The following ADAMTS7 variants were observed in gnomAD, a reference collection of about 807,000 sequenced individuals.
The protein encoded by ADAMTS7 is A disintegrin and metalloproteinase with thrombospondin motifs 7.
ADAMTS7 carries 89 observed loss-of-function variants against 172.6 expected under a neutral mutation model. The ratio of observed to expected loss-of-function variants is 0.52; its 90% CI spans 0.43 to 0.61. The LOEUF (loss-of-function observed/expected upper bound fraction) is 0.61. Ranked by LOEUF, ADAMTS7 falls within the 20% of genes least tolerant of loss-of-function variation. ADAMTS7 has a pLI of 0.00. For synonymous variants in ADAMTS7, 885 were observed against 978.4 expected, an observed-to-expected ratio of 0.90 and a Z score of 1.78; for missense variants, 1,973 against 2,355.6, an observed-to-expected ratio of 0.84 and a Z score of 3.36.
chr15:78,768,213 G>A lies in ADAMTS7; in HGVS notation c.2565C>T (p.Pro855=), dbSNP rs565309663. The change falls in exon 17 of 24, where the codon CCC becomes CCT. Residue 855 remains proline, a synonymous_variant. Coordinates refer to ENST00000388820, the MANE Select transcript of ADAMTS7 (RefSeq NM_014272.5). ...NVYCLERQAG[P]VDEEHCDPLG... ...GGGGGTCACAGTGCTCCTCGTCCAC[G>A]GGCCCTGCCTGCCGCTCCAAGCAGT... is the stretch of plus-strand genomic sequence containing the variant. 6.8e-6 allele frequency: 11 copies of A among 1,610,480 alleles called. No individual in the cohort carries two copies. Among genetic ancestry groups the A allele is most frequent in the East Asian group, 2.2e-5 (1 of 44,862 alleles).
chr15:78,802,613 C>T (rs1241450865), intron 1 of ADAMTS7, among the ~76,000 whole-genome samples: 2 of 152,226 alleles, frequency 1.3e-5, no homozygotes, highest in East Asian at 3.8e-4. Flanking sequence ...GCTCTGTCCT[C>T]CTGGATTTCC....
At chr15:78,774,086 G>C (rs2055297286) in intron 13 of ADAMTS7, 81 bp downstream of exon 13, 4 of 1,554,918 alleles carry the variant, frequency 2.6e-6, no homozygotes, top group South Asian at 2.3e-5. Context: ...GGATCAGGAG[G>C]GACCCAGGAG....
intron 8 of ADAMTS7, among the ~76,000 whole-genome samples, chr15:78,785,153 T>C (rs1435878390): frequency 6.6e-6 from 1 of 152,016 alleles, no homozygotes; most frequent in African/African-American, 2.4e-5. Context: ...GGGATTACCT[T>C]TGGGAAAACT....
chr15:78,768,409 C>A, intron 16 of ADAMTS7, 150 bp from the exon 17 acceptor site: 1 of 1,207,192 alleles, frequency 8.3e-7, no homozygotes, highest in Non-Finnish European at 1.2e-6. Flanking sequence ...GAAGGCAGAC[C>A]TCCACCGTCG....
Position 78,766,209 on chromosome 15 carries a change from C to T in ADAMTS7, c.3702G>A (p.Pro1234=), listed in dbSNP as rs540501138. Residue 1234 remains proline, a synonymous_variant, in exon 19 of 24, where the codon CCG becomes CCA. Coordinates refer to ENST00000388820, the MANE Select transcript of ADAMTS7 (RefSeq NM_014272.5). ...AAGGGGGCAGCGTGGAGCTGGGTCT[C>T]GGGGGCAGGTGGGGTGCTCCTCGGC... The part of the protein sequence containing the change: ...PKGRGAPHLP[P]RPSSTLPPLS... The T allele has an allele frequency of 5.3e-5, 86 of 1,611,804 alleles. 1 individual carries two copies. The highest frequency in any genetic ancestry group is 5.1e-4 in the South Asian group (46 of 91,018).
rs925402092 is a variant in ADAMTS7 at position 78,811,225 on chromosome 15, G to A, written c.-5C>T. 30 of 1,226,996 alleles carry A rather than the reference G, an allele frequency of 2.4e-5. No homozygotes were observed. In the African/African-American group the frequency reaches 3.0e-4, roughly 12 times the overall value. The allele number at this position is 1,226,996 out of a possible 1,614,324, so 76.0% of individuals were successfully genotyped here. A position where few individuals can be genotyped will look rare whatever the true frequency, so the allele number is the denominator to read the frequency against. On this transcript the variant is annotated 5_prime_UTR_variant, in exon 1 of 24. Transcript: ENST00000388820. ...GGGACTGGGGCCGCCGGGCATGGCA[G>A]GAACCGGGCGGCCGCCGGGTGACCC...
At chr15:78,759,963 C>T (rs1159240887) in intron 23 of ADAMTS7, among the ~76,000 whole-genome samples, 1 of 152,188 alleles carries the variant, frequency 6.6e-6, no homozygotes, top group Non-Finnish European at 1.5e-5. Flanking sequence ...CCCGGGGCCT[C>T]CTGCCAGCCT....
chr15:78,780,932 C>G (rs1447164203), intron 8 of ADAMTS7, among the ~76,000 whole-genome samples: 2 of 152,148 alleles, frequency 1.3e-5, no homozygotes, highest in Non-Finnish European at 2.9e-5. Context: ...CTGTCCATCT[C>G]CCCATGGTGT....
Position 78,811,442 on chromosome 15 carries a change from TAGAAGGAG to T in ADAMTS7, c.-230_-223del. On this transcript the variant is annotated 5_prime_UTR_variant, in exon 1 of 24. Transcript: ENST00000388820. ...AGAGGCAAAGAAAAGACAAGAGAGC[TAGAAGGAG>T]AGAAAGAAAGAAAGAAAGAAAGGGA... The T allele has an allele frequency of 2.7e-6, 1 of 370,906 alleles. No individual in the cohort carries two copies. Among genetic ancestry groups the T allele is most frequent in the East Asian group, 4.2e-5 (1 of 23,824 alleles). 23.0% of individuals were successfully genotyped at this position (370,906 alleles called of 1,614,324 possible).
chr15:78,766,918 A>C lies in ADAMTS7; in HGVS notation c.2993T>G (p.Leu998Arg). 1 of 1,610,412 alleles carries C rather than the reference A, an allele frequency of 6.2e-7. No individual in the cohort carries two copies. Among genetic ancestry groups the C allele is most frequent in the Non-Finnish European group, 8.5e-7 (1 of 1,179,466 alleles). ...TCSLPLCRWP[L>R]GTLGPEGSGS... The stretch of plus-strand genomic sequence containing the variant: ...TGAGCCTTCAGGGCCCAGTGTGCCC[A>C]GGGGCCACCGACAGAGTGGCAGAGA... Residue 998 changes from leucine (L) to arginine (R), a missense_variant, in exon 19 of 24, where the codon CTG (leucine) becomes CGG (arginine). Around this residue, in one of 8 missense-constraint regions of ADAMTS7, gnomAD observed 771 missense variants for 952.6 expected, o/e 0.81. Coordinates refer to ENST00000388820, the MANE Select transcript of ADAMTS7 (RefSeq NM_014272.5).
In ADAMTS7 at chr15:78,763,739, G is replaced by A; in HGVS notation, c.4700C>T (p.Thr1567Ile). The A allele has an allele frequency of 8.2e-6, 13 of 1,594,556 alleles. No individual in the cohort carries two copies. Among genetic ancestry groups the A allele is most frequent in the Non-Finnish European group, 1.0e-5 (12 of 1,172,862 alleles). The change falls in exon 22 of 24, where the codon ACC becomes ATC. Residue 1567 changes from threonine (T) to isoleucine (I), a missense_variant. Coordinates refer to ENST00000388820, the MANE Select transcript of ADAMTS7 (RefSeq NM_014272.5). ...LRPNTTRPCN[T>I]HPCTQWVVGP... The stretch of plus-strand genomic sequence containing the variant: ...CACCACCCACTGCGTGCAGGGGTGG[G>A]TGTTGCAGGGCCGGGTGGTGTTGGG...
In ADAMTS7 at chr15:78,771,581, G is replaced by A; in HGVS notation, c.2376+4C>T. On this transcript the variant is annotated splice_donor_region_variant and intron_variant, in intron 15 of 23. Transcript: ENST00000388820. This position sits in a 1 kb window ranked among gnomAD's most constrained non-coding sequence, Gnocchi z 4.9. ...CCCCCGCCTGGGCCACGGGAGGCAGGCACCTGGATCCAGACAGGCTCCTTG... is the reference window on the plus strand; with the variant it reads ...CCCCCGCCTGGGCCACGGGAGGCAGACACCTGGATCCAGACAGGCTCCTTG... 6.3e-7 allele frequency: 1 copy of A among 1,594,350 alleles called. No individual in the cohort carries two copies. Among genetic ancestry groups the A allele is most frequent in the South Asian group, 1.1e-5 (1 of 89,690 alleles).
At chr15:78,806,997 C>A (rs1376078106) in intron 1 of ADAMTS7, among the ~76,000 whole-genome samples, 1 of 152,158 alleles carries the variant, frequency 6.6e-6, no homozygotes, top group Non-Finnish European at 1.5e-5. Flanking sequence ...GAACTCCTGA[C>A]CTCAGGTGAT....
In ADAMTS7 at chr15:78,759,383, ACT is replaced by A. The variant is rs1330505838; in HGVS notation, c.*36_*37del. On this transcript the variant is annotated 3_prime_UTR_variant, in exon 24 of 24. Transcript: ENST00000388820. Reference sequence around the variant, plus strand: ...AGCTCCGCCACAGCCCGTGGTGGGCACTGAGGTCTGTCGGTCGGTCTGTGCAT... The same window carrying A: ...AGCTCCGCCACAGCCCGTGGTGGGCAGAGGTCTGTCGGTCGGTCTGTGCAT... The A allele has an allele frequency of 3.2e-6, 5 of 1,553,630 alleles. No individual in the cohort carries two copies. Among genetic ancestry groups the A allele is most frequent in the Non-Finnish European group, 4.3e-6 (5 of 1,153,818 alleles).
At chr15:78,783,557 C>G (rs1185037576) in intron 8 of ADAMTS7, among the ~76,000 whole-genome samples, 1 of 152,008 alleles carries the variant, frequency 6.6e-6, no homozygotes, top group Non-Finnish European at 1.5e-5. Flanking sequence ...GGATTACAGG[C>G]GTGAGCCACC....
intron 22 of ADAMTS7, among the ~76,000 whole-genome samples, chr15:78,762,835 C>G (rs1031020380): frequency 6.6e-6 from 1 of 152,222 alleles, no homozygotes; most frequent in Non-Finnish European, 1.5e-5. Flanking sequence ...GGGCAGTGAG[C>G]CCCTCACACA....
rs2055240770 is a variant in ADAMTS7, at chr15:78,771,106, T to A, written c.2518+56A>T. On this transcript the variant is annotated intron_variant, in intron 16 of 23. Coordinates refer to ENST00000388820, the MANE Select transcript of ADAMTS7 (RefSeq NM_014272.5). The surrounding 1 kb of genome is among the most constrained non-coding windows in gnomAD (Gnocchi z 4.9). ...AGTGAGCTGGGAGCTGAAGCCAGTG[T>A]CCCTGTCCAGACACTAAGCCCCTGC... 6.5e-6 allele frequency: 10 copies of A among 1,527,914 alleles called. No individual in the cohort carries two copies. In the South Asian group the frequency reaches 1.2e-4, roughly 19 times the overall value. The allele number at this position is 1,527,914 out of a possible 1,614,324, so 94.6% of individuals were successfully genotyped here.
At chr15:78,781,081 G>A (rs1596188594) in intron 8 of ADAMTS7, among the ~76,000 whole-genome samples, 1 of 152,218 alleles carries the variant, frequency 6.6e-6, no homozygotes, top group East Asian at 1.9e-4. Flanking sequence ...GGCTGGATAA[G>A]CATCTATATG....
intron 8 of ADAMTS7, 21 bp from the exon 9 acceptor site, chr15:78,777,609 T>C: frequency 1.3e-6 from 2 of 1,593,572 alleles, no homozygotes; most frequent in Non-Finnish European, 1.7e-6. Context: ...GACGGGAGGA[T>C]GGAGGGGGGC....
Sources: allele counts gnomAD v4.1 joint callset (sites outside exome capture counted in the v4.1 genomes callset), GRCh38; gene constraint gnomAD v4.1.1; regional missense constraint gnomAD v4.1.1; non-coding constraint Gnocchi (gnomAD v3.1); transcripts MANE v1.5; gene names NCBI Gene and HGNC (gene_info 2026-07-23, HGNC 2026-07-21).